RYR2: variants seen among roughly 807,000 people sequenced by gnomAD.
The protein encoded by RYR2 is cardiac muscle ryanodine receptor-calcium release channel.
Under a neutral mutation model 601.1 loss-of-function variants are expected in RYR2, and 227 were observed. The ratio of observed to expected loss-of-function variants is 0.38; its 90% CI spans 0.34 to 0.42. The LOEUF is 0.42. Among genes scored for constraint, RYR2 ranks in the 10% least tolerant of loss-of-function variants. The pLI is 1.00. For synonymous variants in RYR2, 2,223 were observed against 2,175.1 expected (o/e 1.02, Z -0.61); for missense variants, 4,646 against 6,156.5 (o/e 0.75, Z 8.21).
At chr1:237,739,586 CT>C (rs1202360206) in intron 79 of RYR2, among the ~76,000 whole-genome samples, 2 of 152,206 alleles carry the variant, frequency 1.3e-5, no homozygotes, top group African/African-American at 2.4e-5. Context: ...TCCTCCTTCT[CT>C]TATTAACTTT....
At chr1:237,781,940 A>C (rs1695148818) in intron 89 of RYR2, among the ~76,000 whole-genome samples, 1 of 152,048 alleles carries the variant, frequency 6.6e-6, no homozygotes, top group Non-Finnish European at 1.5e-5. Flanking sequence ...AGAATATTTT[A>C]TTTGTTAGTG....
At chr1:237,300,509 C>A (rs1693242677) in intron 2 of RYR2, among the ~76,000 whole-genome samples, 1 of 152,124 alleles carries the variant, frequency 6.6e-6, no homozygotes, top group African/African-American at 2.4e-5. Flanking sequence ...TGGGAGAGGA[C>A]CAAACACTAC....
intron 1 of RYR2, among the ~76,000 whole-genome samples, chr1:237,139,310 T>C (rs943552231): frequency 2.2e-4 from 34 of 152,174 alleles, no homozygotes; most frequent in African/African-American, 8.2e-4. Flanking sequence ...TCCACTGATA[T>C]GAAATATCCA....
chr1:237,287,306 G>A (rs974594786), intron 2 of RYR2, among the ~76,000 whole-genome samples: 18 of 152,148 alleles, frequency 1.2e-4, no homozygotes, highest in Admixed American at 6.5e-5. Flanking sequence ...ATCTTTTTGA[G>A]ATGAATTTCC....
At chr1:237,794,951 A>ATACTT (rs1172101490) in intron 95 of RYR2, among the ~76,000 whole-genome samples, 1 of 152,188 alleles carries the variant, frequency 6.6e-6, no homozygotes, top group East Asian at 1.9e-4. Flanking sequence ...AGGTTTCTAG[A>ATACTT]TACTTTAATT....
chr1:237,477,419 G>A, intron 17 of RYR2, among the ~76,000 whole-genome samples: 1 of 151,420 alleles, frequency 6.6e-6, no homozygotes, highest in African/African-American at 2.5e-5. Flanking sequence ...AACATCACAA[G>A]CAGTGATGTG....
intron 1 of RYR2, among the ~76,000 whole-genome samples, chr1:237,112,665 C>T (rs1423327641): frequency 6.6e-6 from 1 of 151,520 alleles, no homozygotes; most frequent in Non-Finnish European, 1.5e-5. Flanking sequence ...CTGATCCAGG[C>T]CCACCTTTCC....
chr1:237,210,469 T>C (rs1682451613), intron 1 of RYR2, among the ~76,000 whole-genome samples: 1 of 152,172 alleles, frequency 6.6e-6, no homozygotes, highest in Non-Finnish European at 1.5e-5. Context: ...CAATTTTGGA[T>C]GTCTCATTTC....
intron 1 of RYR2, among the ~76,000 whole-genome samples, chr1:237,171,937 C>G (rs1170206389): frequency 6.6e-6 from 1 of 152,196 alleles, no homozygotes; most frequent in Non-Finnish European, 1.5e-5. Context: ...AGTTTTCATT[C>G]TCATCCATTT....
chr1:237,058,871 T>G (rs1442695252), intron 1 of RYR2, among the ~76,000 whole-genome samples: 1 of 152,122 alleles, frequency 6.6e-6, no homozygotes, highest in Non-Finnish European at 1.5e-5. Context: ...CGCCTCACAT[T>G]TTTTACTGTA....
chr1:237,596,446 G>A (rs531291973), intron 34 of RYR2, among the ~76,000 whole-genome samples: 1 of 152,088 alleles, frequency 6.6e-6, no homozygotes, highest in East Asian at 1.9e-4. Flanking sequence ...ACTAGATCAA[G>A]CATAAGAAAG....
intron 51 of RYR2, among the ~76,000 whole-genome samples, 172 bp downstream of exon 51, chr1:237,651,673 A>C (rs1682743627): frequency 6.6e-6 from 1 of 152,236 alleles, no homozygotes; most frequent in Admixed American, 6.5e-5. Flanking sequence ...GAAATAAACA[A>C]CTTCTATAAG....
intron 6 of RYR2, among the ~76,000 whole-genome samples, chr1:237,373,147 C>G (rs574184202): frequency 1.3e-5 from 2 of 152,278 alleles, no homozygotes; most frequent in Admixed American, 6.5e-5. Flanking sequence ...ATGTTAAGCA[C>G]AATTTATATT....
intron 30 of RYR2, 68 bp from the exon 31 acceptor site, chr1:237,590,572 G>T (rs1240304585): frequency 1.8e-5 from 24 of 1,322,194 alleles, no homozygotes; most frequent in Non-Finnish European, 2.2e-5. Flanking sequence ...ATGTGCCTTA[G>T]TCATCTTTAG....
At chr1:237,565,161 T>TTCTTTCTTTC (rs1671873236) in intron 27 of RYR2, among the ~76,000 whole-genome samples, 1 of 25,546 alleles carries the variant, frequency 3.9e-5, no homozygotes, top group African/African-American at 1.5e-4. Context: ...TTCTTTCTCT[T>TTCTTTCTTTC]TCTTTCTTTC....
intron 38 of RYR2, among the ~76,000 whole-genome samples, chr1:237,622,457 A>C (rs988015308): frequency 3.9e-5 from 6 of 152,224 alleles, no homozygotes; most frequent in African/African-American, 1.4e-4. Flanking sequence ...ATATTTTATA[A>C]AATTTCCTTC....
chr1:237,059,022 C>T (rs999738311), intron 1 of RYR2, among the ~76,000 whole-genome samples: 1 of 152,034 alleles, frequency 6.6e-6, no homozygotes, highest in Admixed American at 6.5e-5. Flanking sequence ...TACATTACAA[C>T]CAACCAAAAC....
At chr1:237,557,012 C>A (rs1428459929) in intron 27 of RYR2, among the ~76,000 whole-genome samples, 2 of 150,710 alleles carry the variant, frequency 1.3e-5, no homozygotes, top group Non-Finnish European at 2.9e-5. Context: ...TCTGAGATTG[C>A]TATTAAGTTG....
chr1:237,739,215 A>G (rs1440791294), intron 79 of RYR2, among the ~76,000 whole-genome samples: 1 of 152,162 alleles, frequency 6.6e-6, no homozygotes, highest in African/African-American at 2.4e-5. Flanking sequence ...TTGAAAAATC[A>G]TTTTACATCT....
Sources: allele counts gnomAD v4.1 joint callset (sites outside exome capture counted in the v4.1 genomes callset), GRCh38; gene constraint gnomAD v4.1.1; transcripts MANE v1.5; gene names NCBI Gene and HGNC (gene_info 2026-07-23, HGNC 2026-07-21).